IKZF1: variants seen among roughly 807,000 people sequenced by gnomAD.
The protein encoded by IKZF1 is DNA-binding protein Ikaros.
A neutral mutation model predicts 51.7 loss-of-function variants in IKZF1; 10 were observed. That is an observed-to-expected ratio of 0.19 (90% confidence interval 0.12 to 0.33). IKZF1 has a LOEUF of 0.33. IKZF1 is among the 10% of genes least tolerant of loss of function. IKZF1 has a pLI of 1.00. For missense variants in IKZF1, 484 were observed against 707.5 expected, an observed-to-expected ratio of 0.68 and a Z score of 3.58; for synonymous variants, 280 against 282.3, an observed-to-expected ratio of 0.99 and a Z score of 0.08.
At chr7:50,324,810 C>T (rs1039416367) in intron 2 of IKZF1, among the ~76,000 whole-genome samples, 2 of 152,104 alleles carry the variant, frequency 1.3e-5, no homozygotes, top group Non-Finnish European at 2.9e-5. Context: ...TTAGCATGCA[C>T]TGAGCGGAAA....
intron 3 of IKZF1, among the ~76,000 whole-genome samples, chr7:50,358,628 G>A (rs74886798): frequency 0.026 from 3,914 of 152,298 alleles, 92 homozygotes; most frequent in African/African-American, 0.059. Context: ...ACACCTTCAG[G>A]TGGTTGGAGG....
intron 3 of IKZF1, among the ~76,000 whole-genome samples, chr7:50,352,288 A>G (rs1163044672): frequency 2.0e-5 from 3 of 152,196 alleles, no homozygotes; most frequent in East Asian, 1.9e-4. Flanking sequence ...GGATAGTATT[A>G]TCTGTCTCTT....
At chr7:50,379,101 T>C (rs934615580) in intron 4 of IKZF1, among the ~76,000 whole-genome samples, 1 of 152,220 alleles carries the variant, frequency 6.6e-6, no homozygotes, top group Non-Finnish European at 1.5e-5. Context: ...AACATACAAC[T>C]CTGCTTCAGA....
intron 3 of IKZF1, chr7:50,369,285 C>T (rs1807941311): frequency 2.6e-6 from 1 of 379,742 alleles, no homozygotes; most frequent in South Asian, 1.5e-4. Context: ...GCTAATGCAT[C>T]CTAAAACATG....
intron 3 of IKZF1, among the ~76,000 whole-genome samples, chr7:50,342,869 G>A (rs1799379932): frequency 6.6e-6 from 1 of 152,188 alleles, no homozygotes; most frequent in African/African-American, 2.4e-5. Context: ...GAGACAGCGT[G>A]TGCTCCTGTG....
intron 1 of IKZF1, among the ~76,000 whole-genome samples, chr7:50,309,580 T>A (rs999290374): frequency 2.0e-5 from 3 of 152,198 alleles, no homozygotes; most frequent in Non-Finnish European, 4.4e-5. Context: ...ATTTTTATGC[T>A]CCATTTTTGA....
intron 5 of IKZF1, 105 bp downstream of exon 5, chr7:50,382,812 C>T: frequency 7.2e-7 from 1 of 1,384,762 alleles, no homozygotes. Context: ...CCCTGAGTCC[C>T]TCCCAGCTCG....
intron 3 of IKZF1, among the ~76,000 whole-genome samples, chr7:50,365,584 T>C (rs75052560): frequency 1.3e-5 from 2 of 152,188 alleles, no homozygotes; most frequent in Admixed American, 1.3e-4. Flanking sequence ...CACAATGAGA[T>C]ACCATCTCAC....
intron 6 of IKZF1, among the ~76,000 whole-genome samples, chr7:50,390,883 G>A (rs900074568): frequency 1.2e-4 from 19 of 152,176 alleles, no homozygotes; most frequent in Admixed American, 4.6e-4. Flanking sequence ...TGAAATATCC[G>A]AGGCAGGAGG....
At chr7:50,337,602 A>G (rs1406945489) in intron 3 of IKZF1, among the ~76,000 whole-genome samples, 1 of 152,180 alleles carries the variant, frequency 6.6e-6, no homozygotes, top group Non-Finnish European at 1.5e-5. Flanking sequence ...CCCCCAGCCT[A>G]GAGTAGGTGC....
At chr7:50,358,833 C>A (rs1804325330) in intron 3 of IKZF1, among the ~76,000 whole-genome samples, 1 of 142,234 alleles carries the variant, frequency 7.0e-6, no homozygotes, top group Admixed American at 7.2e-5. Context: ...CTTAAGAGAA[C>A]TATATATTAC....
In IKZF1 at chr7:50,400,576, C is replaced by G; in HGVS notation, c.1509C>G (p.Tyr503Ter). 6.2e-7 allele frequency: 1 copy of G among 1,613,640 alleles called. No homozygotes were observed. Among genetic ancestry groups the G allele is most frequent in the Non-Finnish European group, 8.5e-7 (1 of 1,179,936 alleles). The change falls in exon 8 of 8, where the codon TAC becomes TAG. Residue 503 changes from tyrosine to a stop codon, truncating the protein, a stop_gained. Transcript: ENST00000331340. LOFTEE classifies it high-confidence loss of function. The surrounding 1 kb of genome is among the most constrained non-coding windows in gnomAD (Gnocchi z 5.4). Reference sequence around the variant, plus strand: ...GCGGCTACCACAGCCAGGACCGGTACGAGTTCTCGTCGCACATAACGCGAG... The same window carrying G: ...GCGGCTACCACAGCCAGGACCGGTAGGAGTTCTCGTCGCACATAACGCGAG... Reference protein sequence around the residue: ...NMCGYHSQDRYEFSSHITRGE... With the variant: ...NMCGYHSQDR
At chr7:50,318,811 C>T (rs986464878) in intron 1 of IKZF1, among the ~76,000 whole-genome samples, 1 of 152,110 alleles carries the variant, frequency 6.6e-6, no homozygotes, top group African/African-American at 2.4e-5. Flanking sequence ...CAATAAATAA[C>T]AAATTTGGTC....
intron 2 of IKZF1, among the ~76,000 whole-genome samples, chr7:50,326,156 G>A (rs767565589): frequency 4.7e-4 from 71 of 152,370 alleles, no homozygotes; most frequent in Non-Finnish European, 9.3e-4. Flanking sequence ...GGTCTTGCCA[G>A]TCGTCTGAAA....
At chr7:50,319,352 A>G (rs567929107) in intron 2 of IKZF1, among the ~76,000 whole-genome samples, 3 of 152,334 alleles carry the variant, frequency 2.0e-5, no homozygotes, top group Non-Finnish European at 2.9e-5. Flanking sequence ...GAAGAGTTAA[A>G]TACATTTTTG....
Position 50,403,661 on chromosome 7 carries a change from A to C in IKZF1, c.*3034A>C, listed in dbSNP as rs1456305983. The C allele has an allele frequency of 4.4e-6, 1 of 228,386 alleles. No homozygotes were observed. The highest frequency in any genetic ancestry group is 2.2e-5 in the African/African-American group (1 of 45,054). 14.1% of individuals were successfully genotyped at this position (228,386 alleles called of 1,614,324 possible). On this transcript the variant is annotated 3_prime_UTR_variant, in exon 8 of 8. Transcript: ENST00000331340. ...TCACATTATCATTGCATATCAGCAA[A>C]GGGTAAAGTCCTAGCACCAATTGCT...
intron 3 of IKZF1, among the ~76,000 whole-genome samples, chr7:50,359,146 A>G (rs1291391746): frequency 1.3e-5 from 2 of 152,200 alleles, no homozygotes. Flanking sequence ...CAATAGTTCC[A>G]GGCACTCGGG....
intron 3 of IKZF1, among the ~76,000 whole-genome samples, chr7:50,344,770 A>T (rs1439803675): frequency 1.3e-5 from 2 of 151,464 alleles, no homozygotes; most frequent in Non-Finnish European, 2.9e-5. Context: ...GTGTATTGTG[A>T]TGATACCTTT....
chr7:50,331,235 G>A (rs1348932462), intron 3 of IKZF1, among the ~76,000 whole-genome samples: 9 of 152,148 alleles, frequency 5.9e-5, no homozygotes, highest in African/African-American at 2.2e-4. Context: ...CCAGCACCAA[G>A]GATAGAAGAG....
Sources: gnomAD v4.1 joint callset for allele counts (sites outside exome capture counted in the v4.1 genomes callset) on GRCh38, gnomAD v4.1.1 for gene constraint, Gnocchi (gnomAD v3.1) non-coding constraint, MANE v1.5 for transcripts, NCBI Gene and HGNC (gene_info 2026-07-23, HGNC 2026-07-21) for gene names.